Variants in PPFIA2 observed in about 807,000 individuals in gnomAD.
PPFIA2 encodes the protein PPFI scaffold protein A2.
PPFIA2 carries 46 observed loss-of-function variants against 175.5 expected under a neutral mutation model. The ratio of observed to expected loss-of-function variants is 0.26; its 90% CI spans 0.21 to 0.34. The LOEUF is 0.34. PPFIA2 is among the 10% of genes least tolerant of loss of function. PPFIA2 has a pLI of 1.00. For synonymous variants in PPFIA2, 568 were observed against 511.4 expected, an observed-to-expected ratio of 1.11 and a Z score of -1.49; for missense variants, 1,179 against 1,506.1, an observed-to-expected ratio of 0.78 and a Z score of 3.60.
chr12:81,410,481 AG>A (rs1377050996), intron 7 of PPFIA2, among the ~76,000 whole-genome samples: 1 of 152,048 alleles, frequency 6.6e-6, no homozygotes, highest in Non-Finnish European at 1.5e-5. Context: ...ATGGAGGCAA[AG>A]TTTTGCATAT....
chr12:81,495,319 A>C (rs1008491534), intron 4 of PPFIA2, among the ~76,000 whole-genome samples: 3 of 152,210 alleles, frequency 2.0e-5, no homozygotes, highest in East Asian at 1.9e-4. Flanking sequence ...CATTTTTGCT[A>C]TTCTACCCTC....
chr12:81,570,838 A>C (rs948057708), intron 4 of PPFIA2, among the ~76,000 whole-genome samples: 1 of 151,856 alleles, frequency 6.6e-6, no homozygotes, highest in African/African-American at 2.4e-5. Context: ...AGGAGATATC[A>C]TCCCATCATA....
chr12:81,311,769 GAA>G (rs2050958362), intron 22 of PPFIA2, among the ~76,000 whole-genome samples: 1 of 146,486 alleles, frequency 6.8e-6, no homozygotes, highest in Admixed American at 6.8e-5. Flanking sequence ...AAGAAAGAAA[GAA>G]AGGTGGAGGC....
intron 4 of PPFIA2, among the ~76,000 whole-genome samples, chr12:81,470,910 C>G (rs2056607152): frequency 6.6e-6 from 1 of 152,070 alleles, no homozygotes; most frequent in African/African-American, 2.4e-5. Flanking sequence ...TACCCACATA[C>G]CCCTTCCCCC....
At position 81,383,655 on chromosome 12, in the gene PPFIA2, C is replaced by A. The variant is rs569354378; in HGVS notation, c.984+368G>T. On this transcript the variant is annotated intron_variant, in intron 9 of 32. Transcript: ENST00000549396. ...CACAAAACCAAAATAAGCAATGGAA[C>A]AATTTAAGGCATTTTTGTAGTATTC... 7.9e-5 allele frequency among the ~76,000 whole-genome samples: 12 copies of A among 152,086 alleles called. No individual in the cohort carries two copies. In the South Asian group the frequency reaches 2.5e-3, roughly 32 times the overall value.
intron 4 of PPFIA2, among the ~76,000 whole-genome samples, chr12:81,552,522 C>T (rs2068093815): frequency 6.6e-6 from 1 of 151,940 alleles, no homozygotes; most frequent in Admixed American, 6.6e-5. Context: ...TGTCAAGAAA[C>T]AGTACCTTCT....
intron 4 of PPFIA2, among the ~76,000 whole-genome samples, chr12:81,671,814 C>T (rs2071477941): frequency 6.6e-6 from 1 of 152,010 alleles, no homozygotes. Flanking sequence ...ACCATGGTCC[C>T]CCCATCACTT....
chr12:81,725,838 A>G (rs1190445794), intron 3 of PPFIA2, among the ~76,000 whole-genome samples: 3 of 151,064 alleles, frequency 2.0e-5, no homozygotes, highest in South Asian at 2.1e-4. Context: ...AATAGATACC[A>G]TAAAAACCTT....
intron 4 of PPFIA2, among the ~76,000 whole-genome samples, chr12:81,579,498 A>C (rs562019200): frequency 6.6e-6 from 1 of 151,930 alleles, no homozygotes; most frequent in South Asian, 2.1e-4. Flanking sequence ...TCCTGGACAA[A>C]CATATGCCCT....
intron 22 of PPFIA2, among the ~76,000 whole-genome samples, chr12:81,306,446 A>G (rs917318726): frequency 6.6e-6 from 1 of 152,040 alleles, no homozygotes; most frequent in African/African-American, 2.4e-5. Context: ...AATATGTGTA[A>G]TATGATTACA....
chr12:81,592,098 T>A (rs1157878328), intron 4 of PPFIA2, among the ~76,000 whole-genome samples: 1 of 152,050 alleles, frequency 6.6e-6, no homozygotes, highest in Non-Finnish European at 1.5e-5. Flanking sequence ...TCAAAGGAGA[T>A]CATTTTGGAG....
chr12:81,652,579 T>TC (rs1211718081), intron 4 of PPFIA2, among the ~76,000 whole-genome samples: 1 of 152,056 alleles, frequency 6.6e-6, no homozygotes, highest in Non-Finnish European at 1.5e-5. Context: ...AGAATGTGGT[T>TC]CCCCACCTCC....
intron 24 of PPFIA2, among the ~76,000 whole-genome samples, chr12:81,294,335 T>C (rs1025828327): frequency 2.0e-5 from 3 of 152,074 alleles, no homozygotes; most frequent in African/African-American, 4.8e-5. Flanking sequence ...ACTTAAGCCT[T>C]GCATCTTTAG....
chr12:81,489,913 A>G (rs1265531003), intron 4 of PPFIA2, among the ~76,000 whole-genome samples: 1 of 151,942 alleles, frequency 6.6e-6, no homozygotes, highest in Non-Finnish European at 1.5e-5. Context: ...GAGAAGGCCA[A>G]TTGAATATTC....
chr12:81,462,729 A>G (rs2054876150), intron 4 of PPFIA2, among the ~76,000 whole-genome samples: 1 of 151,392 alleles, frequency 6.6e-6, no homozygotes, highest in Non-Finnish European at 1.5e-5. Flanking sequence ...GGCTAGCTCT[A>G]GTGCTGAAGC....
At chr12:81,316,199 A>T (rs1487938415) in intron 22 of PPFIA2, among the ~76,000 whole-genome samples, 3 of 151,590 alleles carry the variant, frequency 2.0e-5, no homozygotes, top group Admixed American at 2.0e-4. Flanking sequence ...ATACGTAATT[A>T]CTGCCCTTCT....
chr12:81,344,828 C>A, intron 18 of PPFIA2, 135 bp from the exon 19 acceptor site: 1 of 653,952 alleles, frequency 1.5e-6, no homozygotes, highest in Non-Finnish European at 2.5e-6. Context: ...TCTAAATAAA[C>A]ATATTTTAAT....
intron 4 of PPFIA2, among the ~76,000 whole-genome samples, chr12:81,465,717 A>G (rs1000006885): frequency 2.0e-5 from 3 of 152,194 alleles, no homozygotes; most frequent in African/African-American, 7.2e-5. Context: ...CATACTTTCT[A>G]GAACCGATTA....
chr12:81,394,993 C>A (rs192667586), intron 8 of PPFIA2, among the ~76,000 whole-genome samples: 1 of 152,000 alleles, frequency 6.6e-6, no homozygotes, highest in East Asian at 1.9e-4. Flanking sequence ...CTTTTACAAG[C>A]TTTATATGTC....
Sources: gnomAD v4.1 joint callset for allele counts (sites outside exome capture counted in the v4.1 genomes callset) on GRCh38, gnomAD v4.1.1 for gene constraint, MANE v1.5 for transcripts, NCBI Gene and HGNC (gene_info 2026-07-23, HGNC 2026-07-21) for gene names.